Variants in PDE7B observed in about 807,000 individuals in gnomAD.
The protein encoded by PDE7B is 3',5'-cyclic-AMP phosphodiesterase 7B.
PDE7B carries 29 observed loss-of-function variants against 56.2 expected under a neutral mutation model. That is an observed-to-expected ratio of 0.52 (90% confidence interval 0.38 to 0.70). The LOEUF is 0.70. PDE7B is among the 30% of genes least tolerant of loss of function. The pLI, the probability that PDE7B is intolerant of heterozygous loss-of-function variation, is 0.00. For synonymous variants in PDE7B, 197 were observed against 196.9 expected, an observed-to-expected ratio of 1.00 and a Z score of 0.00; for missense variants, 490 against 565.0, an observed-to-expected ratio of 0.87 and a Z score of 1.35.
At chr6:136,181,144 C>T (rs1216576633) in intron 10 of PDE7B, 83 bp from the exon 11 acceptor site, 13 of 927,232 alleles carry the variant, frequency 1.4e-5, no homozygotes, top group African/African-American at 3.2e-5. Flanking sequence ...GACTGAACAG[C>T]TTGATAGCCT....
chr6:135,856,108 C>T (rs192584217), intron 1 of PDE7B, among the ~76,000 whole-genome samples: 66 of 152,266 alleles, frequency 4.3e-4, no homozygotes, highest in Admixed American at 1.2e-3. Context: ...TGCCTTTACT[C>T]AGTTGTCCAC....
chr6:136,045,310 G>A (rs1479917495), intron 2 of PDE7B, among the ~76,000 whole-genome samples: 2 of 152,064 alleles, frequency 1.3e-5, no homozygotes, highest in Non-Finnish European at 2.9e-5. Context: ...CTTTGGAATT[G>A]ACTTCAATCT....
At chr6:135,861,764 T>TAAACA in intron 1 of PDE7B, among the ~76,000 whole-genome samples, 4 of 151,934 alleles carry the variant, frequency 2.6e-5, no homozygotes, top group African/African-American at 9.6e-5. Context: ...ACATAATGTA[T>TAAACA]CCTTCTATTT....
At position 135,860,520 on chromosome 6, in the gene PDE7B, C is replaced by T. The variant is rs188772670; in HGVS notation, c.21+8501C>T. On this transcript the variant is annotated intron_variant, in intron 1 of 12. Transcript: ENST00000308191. The stretch of plus-strand genomic sequence containing the variant: ...CTGAGAGGCAGTAGAGTGCATTGAT[C>T]AACAGTGCATAATTTGGCGACATTC... Among the ~76,000 whole-genome samples the T allele has an allele frequency of 3.3e-5, 5 of 152,046 alleles. No individual in the cohort carries two copies. The East Asian group carries it at 9.6e-4, about 29-fold the overall frequency.
At chr6:135,897,975 G>C (rs1410161668) in intron 1 of PDE7B, among the ~76,000 whole-genome samples, 1 of 152,170 alleles carries the variant, frequency 6.6e-6, no homozygotes, top group South Asian at 2.1e-4. Context: ...CAGGTTTAAG[G>C]CATGAAGAAG....
chr6:136,158,656 C>T (rs1778652165), intron 8 of PDE7B, among the ~76,000 whole-genome samples: 1 of 152,186 alleles, frequency 6.6e-6, no homozygotes, highest in South Asian at 2.1e-4. Context: ...AGGGCTCCCT[C>T]CCATGGTCTG....
At position 136,017,587 on chromosome 6, in the gene PDE7B, G is replaced by A. The variant is rs939432586; in HGVS notation, c.82+70063G>A. On this transcript the variant is annotated intron_variant, in intron 2 of 12. Coordinates refer to ENST00000308191, the MANE Select transcript of PDE7B (RefSeq NM_018945.4). ...TTCCCACCTATGAGTAAGAACATGC[G>A]GTGTTTGGTTTTTGTCCTTGCAATA... Among the ~76,000 whole-genome samples the A allele has an allele frequency of 2.0e-5, 3 of 149,102 alleles. No homozygotes were observed. The East Asian group carries it at 6.0e-4, about 30-fold the overall frequency.
chr6:136,180,118 G>A (rs1255115609), intron 10 of PDE7B, among the ~76,000 whole-genome samples: 2 of 152,208 alleles, frequency 1.3e-5, no homozygotes, highest in Non-Finnish European at 2.9e-5. Context: ...GAATGGTGCA[G>A]TCTTTTTTGT....
chr6:135,924,293 T>A (rs895597704), intron 1 of PDE7B, among the ~76,000 whole-genome samples: 1 of 152,170 alleles, frequency 6.6e-6, no homozygotes, highest in African/African-American at 2.4e-5. Context: ...TGTAGAGAAA[T>A]AGATATAGTC....
intron 1 of PDE7B, among the ~76,000 whole-genome samples, chr6:135,923,226 C>T (rs1016047364): frequency 2.0e-5 from 3 of 152,206 alleles, no homozygotes; most frequent in Non-Finnish European, 4.4e-5. Flanking sequence ...CATACAATTC[C>T]GTAGCTATAT....
intron 2 of PDE7B, among the ~76,000 whole-genome samples, chr6:135,959,438 A>G (rs2128201179): frequency 6.6e-6 from 1 of 152,314 alleles, no homozygotes; most frequent in East Asian, 1.9e-4. Flanking sequence ...TTTAAAAAAG[A>G]AATTGAACAT....
chr6:136,191,541 A>G, intron 12 of PDE7B, 73 bp from the exon 13 acceptor site: 1 of 1,266,528 alleles, frequency 7.9e-7, no homozygotes, highest in Non-Finnish European at 1.1e-6. Context: ...GTGGGTCCCC[A>G]GTCATGCTCG....
At chr6:136,046,582 G>A (rs1229177232) in intron 2 of PDE7B, among the ~76,000 whole-genome samples, 1 of 152,190 alleles carries the variant, frequency 6.6e-6, no homozygotes, top group East Asian at 1.9e-4. Context: ...AGAGGGAGAA[G>A]CAAATGTATG....
intron 2 of PDE7B, among the ~76,000 whole-genome samples, chr6:136,051,335 T>C (rs1776623561): frequency 6.6e-6 from 1 of 152,188 alleles, no homozygotes; most frequent in African/African-American, 2.4e-5. Context: ...AGCCTAATTC[T>C]TTTGACGTCA....
At position 136,191,524 on chromosome 6, in the gene PDE7B, G is replaced by A. The variant is rs548921172; in HGVS notation, c.1127-90G>A. 86 of 1,073,046 alleles carry A rather than the reference G, an allele frequency of 8.0e-5. 1 individual carries two copies. The highest frequency in any genetic ancestry group is 4.3e-4 in the South Asian group (30 of 70,010). 66.5% of individuals were successfully genotyped at this position (1,073,046 alleles called of 1,614,324 possible). ...TCTACTAAAGATACAAAAATTAGCC[G>A]GGCGTGGTGGGTCCCCAGTCATGCT... On this transcript the variant is annotated intron_variant, in intron 12 of 12. Coordinates refer to ENST00000308191, the MANE Select transcript of PDE7B (RefSeq NM_018945.4).
intron 2 of PDE7B, among the ~76,000 whole-genome samples, chr6:135,978,010 G>A (rs995953883): frequency 2.0e-5 from 3 of 152,088 alleles, no homozygotes; most frequent in Admixed American, 2.0e-4. Flanking sequence ...CTGGGCTAAA[G>A]CAGGCAAACC....
At chr6:136,097,884 G>A (rs1311326260) in intron 2 of PDE7B, 1 of 152,064 alleles carries the variant, frequency 6.6e-6, no homozygotes, top group African/African-American at 2.4e-5. Flanking sequence ...TGCCCCCACA[G>A]CCTAGATTCC....
chr6:136,009,857 A>T (rs1775857948), intron 2 of PDE7B, among the ~76,000 whole-genome samples: 1 of 152,134 alleles, frequency 6.6e-6, no homozygotes, highest in Non-Finnish European at 1.5e-5. Context: ...CTTCTTCATT[A>T]GTCTAGCTAG....
At position 135,983,881 on chromosome 6, in the gene PDE7B, T is replaced by G. The variant is rs368472736; in HGVS notation, c.82+36357T>G. Reference sequence around the variant, plus strand: ...GATAGCTGCTTCCAGCAAGGCCCTATGTTTACTCAGGTTTCTTCATTTCCC... The same window carrying G: ...GATAGCTGCTTCCAGCAAGGCCCTAGGTTTACTCAGGTTTCTTCATTTCCC... On this transcript the variant is annotated intron_variant, in intron 2 of 12. Transcript: ENST00000308191. 8.5e-5 allele frequency among the ~76,000 whole-genome samples: 13 copies of G among 152,368 alleles called. 1 individual carries two copies. Among genetic ancestry groups the G allele is most frequent in the Admixed American group, 5.2e-4 (8 of 15,304 alleles).
Sources: gnomAD v4.1 joint callset for allele counts (sites outside exome capture counted in the v4.1 genomes callset) on GRCh38, gnomAD v4.1.1 for gene constraint, MANE v1.5 for transcripts, NCBI Gene and HGNC (gene_info 2026-07-23, HGNC 2026-07-21) for gene names.